Variants in AFG2A observed in about 807,000 individuals in gnomAD.
AFG2A encodes the protein AAA ATPase AFG2A.
chr4:123,039,666 A>G, the AFG2A span, among the ~76,000 whole-genome samples: 4 of 151,730 alleles, frequency 2.6e-5, no homozygotes, highest in South Asian at 2.1e-4. Flanking sequence ...TTACAGCCCT[A>G]TACTACAGGC....
the AFG2A span, among the ~76,000 whole-genome samples, chr4:123,159,119 A>G: frequency 1.3e-5 from 2 of 152,198 alleles, no homozygotes; most frequent in Non-Finnish European, 1.5e-5. Context: ...TTACTTCCAA[A>G]TGCCAGGTAA....
At chr4:123,262,978 C>T in the AFG2A span, among the ~76,000 whole-genome samples, 2 of 151,986 alleles carry the variant, frequency 1.3e-5, no homozygotes, top group Non-Finnish European at 2.9e-5. Context: ...ATGGTGTGGT[C>T]TAAAATCAGT....
At chr4:123,097,671 C>G in the AFG2A span, among the ~76,000 whole-genome samples, 1 of 152,060 alleles carries the variant, frequency 6.6e-6, no homozygotes, top group African/African-American at 2.4e-5. Flanking sequence ...AGTTATTATT[C>G]TTATCTTCTA....
the AFG2A span, among the ~76,000 whole-genome samples, chr4:123,192,975 G>A: frequency 0.021 from 3,208 of 152,264 alleles, 62 homozygotes; most frequent in Non-Finnish European, 0.035. Context: ...AAATAAGTAG[G>A]CATTAACTTG....
chr4:123,312,206 A>G, the AFG2A span, among the ~76,000 whole-genome samples: 1 of 152,140 alleles, frequency 6.6e-6, no homozygotes, highest in Non-Finnish European at 1.5e-5. Flanking sequence ...GTCCACTCAC[A>G]TAGTAGGTGC....
At chr4:123,063,022 A>C in the AFG2A span, among the ~76,000 whole-genome samples, 3 of 151,792 alleles carry the variant, frequency 2.0e-5, no homozygotes, top group Non-Finnish European at 2.9e-5. Context: ...TAACCATAAA[A>C]CTCTCATAAA....
the AFG2A span, among the ~76,000 whole-genome samples, chr4:123,214,353 TTAC>T: frequency 1.1e-4 from 17 of 152,236 alleles, no homozygotes; most frequent in South Asian, 1.0e-3. Flanking sequence ...CTCAGTTGCT[TTAC>T]TGTTAGTAGA....
At chr4:123,224,094 A>G in the AFG2A span, among the ~76,000 whole-genome samples, 2 of 152,064 alleles carry the variant, frequency 1.3e-5, no homozygotes, top group Non-Finnish European at 1.5e-5. Context: ...TGATTTTTGT[A>G]TATGATGTAA....
the AFG2A span, among the ~76,000 whole-genome samples, chr4:123,268,034 T>G: frequency 6.6e-6 from 1 of 152,038 alleles, no homozygotes; most frequent in Non-Finnish European, 1.5e-5. Context: ...TGTTAGACAA[T>G]CAATATATAA....
chr4:123,186,086 G>T, the AFG2A span, among the ~76,000 whole-genome samples: 1 of 152,106 alleles, frequency 6.6e-6, no homozygotes, highest in Non-Finnish European at 1.5e-5. Context: ...ATCATTCAAA[G>T]TGCTAAGCTT....
the AFG2A span, among the ~76,000 whole-genome samples, chr4:123,251,013 A>G: frequency 6.6e-6 from 1 of 152,194 alleles, no homozygotes; most frequent in Admixed American, 6.5e-5. Context: ...GAAAAAGCCT[A>G]GCTGGCTGTT....
the AFG2A span, among the ~76,000 whole-genome samples, chr4:123,243,737 A>T: frequency 9.8e-3 from 1,487 of 151,770 alleles, 12 homozygotes; most frequent in Non-Finnish European, 0.016. Context: ...CCTGTAATTA[A>T]AAAAAAAATT....
At chr4:123,147,267 G>A in the AFG2A span, among the ~76,000 whole-genome samples, 251 of 152,172 alleles carry the variant, frequency 1.6e-3, 1 homozygote, top group Middle Eastern at 0.014. Context: ...AAACTGATCT[G>A]CTTGAGAATT....
At chr4:122,925,291 G>A in the AFG2A span, among the ~76,000 whole-genome samples, 43 of 152,250 alleles carry the variant, frequency 2.8e-4, no homozygotes, top group African/African-American at 9.9e-4. Context: ...ACAGCCTTTT[G>A]ACTGATTTTC....
the AFG2A span, among the ~76,000 whole-genome samples, chr4:122,924,010 A>G: frequency 2.0e-5 from 3 of 152,252 alleles, no homozygotes; most frequent in Non-Finnish European, 2.9e-5. Flanking sequence ...AAATTGAATT[A>G]AAAATTGAAA....
At chr4:123,205,198 C>T in the AFG2A span, among the ~76,000 whole-genome samples, 4 of 151,986 alleles carry the variant, frequency 2.6e-5, no homozygotes, top group African/African-American at 9.7e-5. Flanking sequence ...GTTCTAATTA[C>T]AATTTTTCAG....
chr4:123,045,315 T>A, the AFG2A span, among the ~76,000 whole-genome samples: 2 of 43,460 alleles, frequency 4.6e-5, no homozygotes, highest in African/African-American at 8.5e-5. Flanking sequence ...TGCGTATTTC[T>A]ACAAAATCAA....
the AFG2A span, among the ~76,000 whole-genome samples, chr4:123,103,430 CT>C: frequency 6.6e-6 from 1 of 152,034 alleles, no homozygotes; most frequent in Non-Finnish European, 1.5e-5. Context: ...AATATGAGCA[CT>C]TTACATGTAT....
chr4:122,963,865 T>G, the AFG2A span, among the ~76,000 whole-genome samples: 1 of 152,180 alleles, frequency 6.6e-6, no homozygotes, highest in Non-Finnish European at 1.5e-5. Flanking sequence ...GGGATAAATA[T>G]AGTTAGTCCT....
Sources: allele counts gnomAD v4.1 joint callset (sites outside exome capture counted in the v4.1 genomes callset), GRCh38; gene constraint gnomAD v4.1.1; transcripts MANE v1.5; gene names NCBI Gene and HGNC (gene_info 2026-07-23, HGNC 2026-07-21).